The following PICALM variants were observed in gnomAD, a reference collection of about 807,000 sequenced individuals.
PICALM encodes the protein phosphatidylinositol binding clathrin assembly protein.
Under a neutral mutation model 80.5 loss-of-function variants are expected in PICALM, and 40 were observed. That is an observed-to-expected ratio of 0.50 (90% CI 0.39 to 0.65). PICALM has a LOEUF of 0.65. Ranked by LOEUF, PICALM falls within the 30% of genes least tolerant of loss-of-function variation. PICALM has a pLI of 0.00. For synonymous variants in PICALM, 288 were observed against 260.3 expected (o/e 1.11, Z -1.02); for missense variants, 676 against 778.9 (o/e 0.87, Z 1.57).
chr11:85,962,212 C>T (rs989382844), intron 19 of PICALM, among the ~76,000 whole-genome samples: 1 of 152,178 alleles, frequency 6.6e-6, no homozygotes, highest in Non-Finnish European at 1.5e-5. Context: ...CCTCCCTCTT[C>T]AGCGCAACCA....
chr11:86,039,876 A>C (rs1379984828), intron 1 of PICALM, among the ~76,000 whole-genome samples: 2 of 151,670 alleles, frequency 1.3e-5, no homozygotes. Context: ...TGGTGGCGGG[A>C]GCCTGTAGTC....
chr11:86,036,608 G>T (rs923518551), intron 1 of PICALM, among the ~76,000 whole-genome samples: 2 of 152,110 alleles, frequency 1.3e-5, no homozygotes, highest in African/African-American at 4.8e-5. Flanking sequence ...ATGAAGCTAA[G>T]GGACCTAATT....
chr11:86,034,301 TA>T (rs1202301075), intron 1 of PICALM, among the ~76,000 whole-genome samples: 1 of 152,174 alleles, frequency 6.6e-6, no homozygotes. Context: ...CTCCATACAG[TA>T]ATTTTTTATC....
intron 1 of PICALM, among the ~76,000 whole-genome samples, chr11:86,053,608 C>G (rs56187740): frequency 0.16 from 24,087 of 152,166 alleles, 2,470 homozygotes; most frequent in Middle Eastern, 0.24. Flanking sequence ...CTCACTGTCA[C>G]CAAGGCTGGA....
intron 1 of PICALM, among the ~76,000 whole-genome samples, chr11:86,067,684 T>G (rs2096465947): frequency 6.6e-6 from 1 of 152,228 alleles, no homozygotes; most frequent in Non-Finnish European, 1.5e-5. Flanking sequence ...TATTTGTAAG[T>G]AAATTTATTA....
chr11:86,000,906 GA>G, intron 10 of PICALM, 127 bp from the exon 11 acceptor site: 2 of 1,473,090 alleles, frequency 1.4e-6, no homozygotes, highest in Non-Finnish European at 1.8e-6. Context: ...ATGTCAGGAC[GA>G]AAAGTTAGAC....
chr11:85,973,684 A>C (rs1370648731), intron 19 of PICALM, among the ~76,000 whole-genome samples: 1 of 152,166 alleles, frequency 6.6e-6, no homozygotes, highest in Non-Finnish European at 1.5e-5. Flanking sequence ...ACTAGATTCA[A>C]ATTGGATCAA....
intron 19 of PICALM, among the ~76,000 whole-genome samples, chr11:85,962,227 C>T (rs563773): frequency 0.43 from 65,487 of 151,952 alleles, 14,305 homozygotes; most frequent in East Asian, 0.6. Context: ...CAACCACGGA[C>T]GGCCAATCAA....
At chr11:86,051,244 T>C (rs748117481) in intron 1 of PICALM, among the ~76,000 whole-genome samples, 28 of 152,316 alleles carry the variant, frequency 1.8e-4, no homozygotes, top group Non-Finnish European at 3.8e-4. Context: ...CATCACAGAA[T>C]AACAGAGTAA....
At chr11:86,035,966 GA>G (rs1302550035) in intron 1 of PICALM, among the ~76,000 whole-genome samples, 5 of 122,718 alleles carry the variant, frequency 4.1e-5, no homozygotes, top group Non-Finnish European at 9.0e-5. Flanking sequence ...AAAAAAAAAA[GA>G]AAAAAAAAGA....
chr11:86,035,830 C>T (rs2095832234), intron 1 of PICALM, among the ~76,000 whole-genome samples: 1 of 151,344 alleles, frequency 6.6e-6, no homozygotes, highest in African/African-American at 2.4e-5. Context: ...CGCCTGTAAT[C>T]CCAGCTACTT....
chr11:85,985,258 T>G (rs1260083249), intron 13 of PICALM, among the ~76,000 whole-genome samples: 2 of 152,106 alleles, frequency 1.3e-5, no homozygotes, highest in African/African-American at 4.8e-5. Flanking sequence ...CAAAGAAAAC[T>G]GTAAAAAGTA....
chr11:85,958,079 G>C lies in PICALM; in HGVS notation c.*967C>G, dbSNP rs2093577933. Reference sequence around the variant, plus strand: ...TTTTAGTGAAAAGAAGGAAAGTCTTGAAGTGAAAGCAATTCCTCACATTCA... The same window carrying C: ...TTTTAGTGAAAAGAAGGAAAGTCTTCAAGTGAAAGCAATTCCTCACATTCA... On this transcript the variant is annotated 3_prime_UTR_variant, in exon 20 of 20. Coordinates refer to ENST00000393346, the MANE Select transcript of PICALM (RefSeq NM_007166.4). 2 of 224,266 alleles carry C rather than the reference G, an allele frequency of 8.9e-6. No individual in the cohort carries two copies. Among genetic ancestry groups the C allele is most frequent in the Non-Finnish European group, 1.8e-5 (2 of 112,460 alleles). The allele number at this position is 224,266 out of a possible 1,614,324, so 13.9% of individuals were successfully genotyped here. A position where few individuals can be genotyped will look rare whatever the true frequency, so the allele number is the denominator to read the frequency against.
chr11:86,008,952 CA>C (rs59740555), intron 7 of PICALM, among the ~76,000 whole-genome samples: 20,487 of 62,748 alleles, frequency 0.33, 2,149 homozygotes, highest in Middle Eastern at 0.41. Context: ...AAAAAAAAGC[CA>C]AAAAAAAAAA....
At chr11:86,009,883 T>G (rs1454389232) in intron 7 of PICALM, among the ~76,000 whole-genome samples, 1 of 152,218 alleles carries the variant, frequency 6.6e-6, no homozygotes, top group African/African-American at 2.4e-5. Context: ...ATCTTTCTCC[T>G]TGAAACATTT....
In PICALM at chr11:86,031,630, A is replaced by T. The variant is rs201047681; in HGVS notation, c.131-19T>A. On this transcript the variant is annotated intron_variant, in intron 1 of 19. Transcript: ENST00000393346. Reference sequence around the variant, plus strand: ...ATTAAGTCTGCAATAAAAAATTTTTAAATGATTAATTTCCTCTGTGGTTTT... The same window carrying T: ...ATTAAGTCTGCAATAAAAAATTTTTTAATGATTAATTTCCTCTGTGGTTTT... The T allele has an allele frequency of 2.1e-4, 331 of 1,573,890 alleles. No homozygotes were observed. Among genetic ancestry groups the T allele is most frequent in the Non-Finnish European group, 2.4e-4 (278 of 1,159,168 alleles).
intron 3 of PICALM, chr11:86,023,275 C>G (rs1593032076): frequency 5.1e-6 from 1 of 194,236 alleles, no homozygotes; most frequent in East Asian, 1.9e-4. Flanking sequence ...CCAAAACCAA[C>G]CAAAATGTAA....
rs116005469 is a variant in PICALM, at chr11:85,997,619, C to T, written c.1155-690G>A. ...CCAAGCAGCTGGGACTACAGGTGCG[C>T]AGCACCGCATCCGGCTAATTTTTGT... On this transcript the variant is annotated intron_variant, in intron 11 of 19. Coordinates refer to ENST00000393346, the MANE Select transcript of PICALM (RefSeq NM_007166.4). Among the ~76,000 whole-genome samples the T allele has an allele frequency of 4.0e-3, 611 of 152,112 alleles. 5 individuals carry two copies. Among genetic ancestry groups the T allele is most frequent in the African/African-American group, 0.014 (583 of 41,472 alleles).
chr11:85,988,879 AG>A (rs1353303599), intron 13 of PICALM, among the ~76,000 whole-genome samples: 1 of 152,266 alleles, frequency 6.6e-6, no homozygotes, highest in Non-Finnish European at 1.5e-5. Context: ...GTATCTCATT[AG>A]AAAAGAAATA....
Sources: gnomAD v4.1 joint callset for allele counts (sites outside exome capture counted in the v4.1 genomes callset) on GRCh38, gnomAD v4.1.1 for gene constraint, MANE v1.5 for transcripts, NCBI Gene and HGNC (gene_info 2026-07-23, HGNC 2026-07-21) for gene names.